EPG5: variants seen among roughly 807,000 people sequenced by gnomAD.
EPG5 encodes ectopic P granules protein 5 homolog.
EPG5 carries 159 observed loss-of-function variants against 302.7 expected under a neutral mutation model. That is an observed-to-expected ratio of 0.53 (90% CI 0.46 to 0.60). The LOEUF (loss-of-function observed/expected upper bound fraction) is 0.60, where lower values mean the gene tolerates loss of function less well. EPG5 is among the 20% of genes least tolerant of loss of function. The pLI, the probability that EPG5 is intolerant of heterozygous loss-of-function variation, is 0.00. For missense variants in EPG5, 2,896 were observed against 3,092.4 expected, an observed-to-expected ratio of 0.94 and a Z score of 1.51; for synonymous variants, 1,158 against 1,136.8, an observed-to-expected ratio of 1.02 and a Z score of -0.37.
the EPG5 span, among the ~76,000 whole-genome samples, chr18:45,812,868 T>C: frequency 6.6e-6 from 1 of 152,146 alleles, no homozygotes; most frequent in African/African-American, 2.4e-5. Flanking sequence ...GGCAAGGACT[T>C]CATGTCTAAA....
At chr18:45,933,832 G>A (rs75565029) in intron 11 of EPG5, among the ~76,000 whole-genome samples, 1,569 of 151,588 alleles carry the variant, frequency 0.01, 18 homozygotes, top group African/African-American at 0.034. Context: ...TGCTGTGAAG[G>A]AAAAAACACT....
Position 45,889,919 on chromosome 18 carries a change from C to T in EPG5, c.4831G>A (p.Glu1611Lys), listed in dbSNP as rs917674036. 6.3e-7 allele frequency: 1 copy of T among 1,598,290 alleles called. No homozygotes were observed. The highest frequency in any genetic ancestry group is 1.3e-5 in the African/African-American group (1 of 74,506). The change falls in exon 28 of 44, where the codon GAA becomes AAA. Residue 1611 changes from glutamate to lysine, a missense_variant. This residue lies in a region of EPG5 where 790 missense variants were observed against 798.0 expected (regional missense o/e 0.99). Transcript: ENST00000282041. ...ACATGAAGCTGTTGGCTTATGGCTT[C>T]ATTCTTATGCATGCCTTCAAACTAA... ...TVQFEGMHKNEAISQQLHVLR... is the reference protein window; with the variant it reads ...TVQFEGMHKNKAISQQLHVLR...
chr18:45,868,142 G>A (rs1012795802), intron 36 of EPG5: 2 of 457,406 alleles, frequency 4.4e-6, no homozygotes, highest in Admixed American at 2.3e-5. Flanking sequence ...AAACTTAAGT[G>A]TGCATCAGAA....
At chr18:45,899,670 G>C (rs2049561540) in intron 26 of EPG5, 104 bp from the exon 27 acceptor site, 4 of 1,202,536 alleles carry the variant, frequency 3.3e-6, no homozygotes, top group Non-Finnish European at 4.7e-6. Flanking sequence ...TGCAGCAAAA[G>C]ACACATAAAC....
Position 45,913,741 on chromosome 18 carries a change from T to C in EPG5, c.3781A>G (p.Ile1261Val), listed in dbSNP as rs773771880. 3 of 1,614,046 alleles carry C rather than the reference T, an allele frequency of 1.9e-6. No homozygotes were observed. In the African/African-American group the frequency reaches 4.0e-5, roughly 22 times the overall value. ...TGGTCAGGGGTGAAAGCAGAGTTTA[T>C]CACCAATTCCCCTTCAATAACTCTC... Reference protein sequence around the residue: ...LRRVIEGELVINSAFTPDQAL... With the variant: ...LRRVIEGELVVNSAFTPDQAL... Residue 1261 changes from isoleucine (I) to valine (V), a missense_variant, in exon 21 of 44, where the codon ATA becomes GTA. Ile to Val is a conservative substitution (Grantham distance 29). Transcript: ENST00000282041.
the EPG5 span, among the ~76,000 whole-genome samples, chr18:45,830,628 C>CAGGCTGGAGTGCAGTGGCTCTGTCACCT: frequency 7.0e-6 from 1 of 142,090 alleles, no homozygotes; most frequent in African/African-American, 2.6e-5. Flanking sequence ...CTCTGTCACC[C>CAGGCTGGAGTGCAGTGGCTCTGTCACCT]AGGCTGGAGT....
intron 13 of EPG5, 135 bp downstream of exon 13, chr18:45,928,734 C>G: frequency 1.4e-6 from 1 of 718,164 alleles, no homozygotes; most frequent in Middle Eastern, 3.2e-4. Flanking sequence ...GAGGCTGGCA[C>G]AGTAAATGTT....
chr18:45,934,276 G>A (rs987180694), intron 11 of EPG5, among the ~76,000 whole-genome samples: 1 of 152,094 alleles, frequency 6.6e-6, no homozygotes, highest in African/African-American at 2.4e-5. Flanking sequence ...GTGATAGAGT[G>A]AGACCCTGTC....
intron 1 of EPG5, among the ~76,000 whole-genome samples, chr18:45,956,111 G>A (rs1001684244): frequency 1.3e-5 from 2 of 152,200 alleles, no homozygotes; most frequent in African/African-American, 4.8e-5. Context: ...GAGAATCCTG[G>A]AAGATAATGC....
In EPG5 at chr18:45,934,980, G is replaced by A. The variant is rs774270304; in HGVS notation, c.2100-14C>T. 1 of 1,591,786 alleles carries A rather than the reference G, an allele frequency of 6.3e-7. No homozygotes were observed. Among genetic ancestry groups the A allele is most frequent in the East Asian group, 2.3e-5 (1 of 44,406 alleles). On this transcript the variant is annotated splice_polypyrimidine_tract_variant and intron_variant, in intron 10 of 43. Transcript: ENST00000282041. Reference sequence around the variant, plus strand: ...CAAATGCCAAGTCTGCATGTAAGCAGGAATCATTTTATTTATTAATCAGCT... The same window carrying A: ...CAAATGCCAAGTCTGCATGTAAGCAAGAATCATTTTATTTATTAATCAGCT...
intron 6 of EPG5, 92 bp from the exon 7 acceptor site, chr18:45,946,860 A>C: frequency 1.1e-6 from 1 of 942,252 alleles, no homozygotes; most frequent in Admixed American, 2.0e-5. Context: ...AGAGCCACAC[A>C]TCATCCCAAT....
intron 6 of EPG5, 24 bp downstream of exon 6, chr18:45,948,479 T>A: frequency 6.3e-7 from 1 of 1,595,178 alleles, no homozygotes; most frequent in Non-Finnish European, 8.6e-7. Context: ...CAATCTCTAC[T>A]TCACAAAGCT....
rs1435637475 is a variant in EPG5 at position 45,865,356 on chromosome 18, C to A, written c.6766+259G>T. On this transcript the variant is annotated intron_variant, in intron 39 of 43. Transcript: ENST00000282041. ...CCAAAATCCCTAGAAATGCCGCTCA[C>A]TGAAAGGTCTCTGATATCTCCTAAT... is the stretch of plus-strand genomic sequence containing the variant. 2.0e-5 allele frequency among the ~76,000 whole-genome samples: 3 copies of A among 152,168 alleles called. No individual in the cohort carries two copies. In the South Asian group the frequency reaches 6.2e-4, roughly 32 times the overall value.
the EPG5 span, chr18:45,825,547 C>A: frequency 4.9e-6 from 3 of 618,240 alleles, no homozygotes; most frequent in South Asian, 1.9e-5. Flanking sequence ...AATGATCAGA[C>A]CTCAGGCTGC....
chr18:45,934,205 C>G (rs958674880), intron 11 of EPG5, among the ~76,000 whole-genome samples: 4 of 152,088 alleles, frequency 2.6e-5, no homozygotes, highest in African/African-American at 9.7e-5. Flanking sequence ...ACTAGAATCA[C>G]TTGAACCCAG....
rs2048551335 is a variant in EPG5, at chr18:45,857,970, G to C, written c.7325C>G (p.Ser2442Cys). 3 of 1,613,656 alleles carry C rather than the reference G, an allele frequency of 1.9e-6. No homozygotes were observed. Among genetic ancestry groups the C allele is most frequent in the African/African-American group, 1.3e-5 (1 of 75,060 alleles). ...TEQNDSVLTE[S>C]VIRILLLVQS... is the part of the protein sequence containing the mutation. ...AACCAAGAGCAGAATTCGAATGACA[G>C]ATTCTGTCAGGACGGAGTCATTCTG... is the stretch of plus-strand genomic sequence containing the variant. The change falls in exon 42 of 44, where the codon TCT becomes TGT. Residue 2442 changes from serine (S) to cysteine (C), a missense_variant. Physicochemically the swap from Ser to Cys is moderately radical, Grantham distance 112. Coordinates refer to ENST00000282041, the MANE Select transcript of EPG5 (RefSeq NM_020964.3).
chr18:45,944,119 C>G lies in EPG5; in HGVS notation c.1678G>C (p.Asp560His). The change falls in exon 8 of 44, where the codon GAT becomes CAT. Residue 560 changes from aspartate to histidine, a missense_variant and splice_region_variant. Asp to His is a moderately conservative substitution (Grantham distance 81). This residue lies in a region of EPG5 where 1,390 missense variants were observed against 1,430.0 expected (regional missense o/e 0.97). Coordinates refer to ENST00000282041, the MANE Select transcript of EPG5 (RefSeq NM_020964.3). ...WTLVDEGGEE[D>H]EDPETSWILL... ...ATCCAACTGGTCTCAGGGTCTTCAT[C>G]CTAAGGGAAAAGACAAAAAATCATG... The G allele has an allele frequency of 6.2e-7, 1 of 1,601,540 alleles. No homozygotes were observed.
Position 45,867,779 on chromosome 18 carries a change from T to C in EPG5, c.6226-31A>G, listed in dbSNP as rs367601629. On this transcript the variant is annotated intron_variant, in intron 36 of 43. Transcript: ENST00000282041. ...AGAAAATGAATTAAAATCATTCTGT[T>C]GCCTTGTGCTATCTATGTATCTGGA... The C allele has an allele frequency of 3.9e-6, 6 of 1,551,526 alleles. No individual in the cohort carries two copies. The African/African-American group carries it at 6.9e-5, about 18-fold the overall frequency.
Position 45,866,840 on chromosome 18 carries a change from C to T in EPG5, c.6579G>A (p.Val2193=). ...CAGTAGGAATAGAAAGGCCCGCAGA[C>T]ACTTTTAGGAGCTTCATGATTAATT... ...YAELIMKLLK[V]SAGLSIPTDS... Residue 2193 remains valine (V), a synonymous_variant, in exon 38 of 44, where the codon GTG becomes GTA. Transcript: ENST00000282041. The T allele has an allele frequency of 6.2e-7, 1 of 1,614,152 alleles. No individual in the cohort carries two copies. Among genetic ancestry groups the T allele is most frequent in the Non-Finnish European group, 8.5e-7 (1 of 1,180,014 alleles).
Sources: allele counts gnomAD v4.1 joint callset (sites outside exome capture counted in the v4.1 genomes callset), GRCh38; gene constraint gnomAD v4.1.1; regional missense constraint gnomAD v4.1.1; transcripts MANE v1.5; gene names NCBI Gene and HGNC (gene_info 2026-07-23, HGNC 2026-07-21).